The following TACC2 variants were observed in gnomAD, a reference collection of about 807,000 sequenced individuals.
TACC2 encodes transforming acidic coiled-coil-containing protein 2.
Under a neutral mutation model 227.3 loss-of-function variants are expected in TACC2, and 137 were observed. The ratio of observed to expected loss-of-function variants is 0.60; its 90% confidence interval spans 0.52 to 0.69. The LOEUF (loss-of-function observed/expected upper bound fraction) is 0.69. TACC2 is among the 30% of genes least tolerant of loss of function. The pLI is 0.00. For synonymous variants in TACC2, 1,523 were observed against 1,487.5 expected (o/e 1.02, Z -0.55); for missense variants, 3,470 against 3,694.4 (o/e 0.94, Z 1.57).
chr10:122,228,669 AGT>A (rs2141392534), intron 14 of TACC2, among the ~76,000 whole-genome samples: 2 of 152,220 alleles, frequency 1.3e-5, no homozygotes, highest in South Asian at 4.1e-4. Context: ...CCCTTGATTT[AGT>A]GTGTTATTTT....
At chr10:122,228,935 G>A (rs140973147) in intron 14 of TACC2, among the ~76,000 whole-genome samples, 10 of 152,128 alleles carry the variant, frequency 6.6e-5, no homozygotes, top group Admixed American at 6.5e-4. Flanking sequence ...TCATCTTTCC[G>A]TGATTTAGAA....
At chr10:121,998,627 T>C (rs536888064) in intron 1 of TACC2, among the ~76,000 whole-genome samples, 61 of 152,316 alleles carry the variant, frequency 4.0e-4, no homozygotes, top group Non-Finnish European at 7.9e-4. Context: ...GAGTGACTAC[T>C]CTGAATTTGT....
intron 12 of TACC2, among the ~76,000 whole-genome samples, chr10:122,225,999 C>G (rs936041765): frequency 4.6e-5 from 7 of 152,214 alleles, no homozygotes; most frequent in African/African-American, 1.7e-4. Flanking sequence ...CAGCCCAGGT[C>G]TAGGCTCTTG....
intron 3 of TACC2, among the ~76,000 whole-genome samples, chr10:122,080,387 C>A (rs2079333693): frequency 6.6e-6 from 1 of 152,014 alleles, no homozygotes; most frequent in Admixed American, 6.6e-5. Context: ...TGTGCACCAC[C>A]ATGCCCAGTT....
intron 5 of TACC2, among the ~76,000 whole-genome samples, chr10:122,093,943 C>G (rs1188869464): frequency 1.3e-5 from 2 of 152,208 alleles, no homozygotes; most frequent in Non-Finnish European, 2.9e-5. Context: ...TCTGTAGACG[C>G]AGAAACTGGA....
At chr10:122,016,939 C>T (rs1956723402) in intron 1 of TACC2, among the ~76,000 whole-genome samples, 1 of 152,136 alleles carries the variant, frequency 6.6e-6, no homozygotes, top group Non-Finnish European at 1.5e-5. Flanking sequence ...GAGATTAGGA[C>T]ATAGACGGGC....
At chr10:122,008,758 A>T (rs574089323) in intron 1 of TACC2, among the ~76,000 whole-genome samples, 1 of 151,842 alleles carries the variant, frequency 6.6e-6, no homozygotes, top group East Asian at 1.9e-4. Context: ...TTTTTAGTAG[A>T]GATGGGGTTT....
intron 2 of TACC2, among the ~76,000 whole-genome samples, chr10:122,047,882 T>G (rs914279892): frequency 1.3e-5 from 2 of 152,222 alleles, no homozygotes; most frequent in East Asian, 3.8e-4. Flanking sequence ...AATTTTTGCA[T>G]TGTAGTGTTC....
At chr10:122,186,607 G>C (rs1593080886) in intron 7 of TACC2, among the ~76,000 whole-genome samples, 3 of 149,436 alleles carry the variant, frequency 2.0e-5, no homozygotes, top group African/African-American at 7.7e-5. Context: ...TCTGCCTCTG[G>C]GTTTAAGTAA....
chr10:122,062,882 C>T (rs756195940), intron 3 of TACC2, among the ~76,000 whole-genome samples: 9 of 152,210 alleles, frequency 5.9e-5, no homozygotes, highest in Non-Finnish European at 1.2e-4. Context: ...GGGCTACACA[C>T]ATCACCTCAC....
intron 19 of TACC2, among the ~76,000 whole-genome samples, chr10:122,242,567 G>A (rs959506542): frequency 1.3e-5 from 2 of 152,170 alleles, no homozygotes; most frequent in Non-Finnish European, 2.9e-5. Context: ...CTGGCAGCCA[G>A]TACTGAGAAA....
At chr10:122,073,063 A>C (rs1301452107) in intron 3 of TACC2, among the ~76,000 whole-genome samples, 5 of 145,766 alleles carry the variant, frequency 3.4e-5, no homozygotes, top group Non-Finnish European at 7.4e-5. Context: ...CAGTGAGCCA[A>C]GATCACGCCA....
chr10:122,176,608 GCCTTGTAGATAA>G (rs1447443660), intron 7 of TACC2, among the ~76,000 whole-genome samples: 104 of 152,196 alleles, frequency 6.8e-4, no homozygotes, highest in African/African-American at 2.5e-3. Context: ...AGAATGTGTG[GCCTTGTAGATAA>G]CCATGCAGAT....
At chr10:122,060,379 G>T (rs544288860) in intron 3 of TACC2, among the ~76,000 whole-genome samples, 2 of 152,184 alleles carry the variant, frequency 1.3e-5, no homozygotes, top group Non-Finnish European at 1.5e-5. Context: ...TCTCAAGCTC[G>T]TTTTTATTGC....
At chr10:122,044,014 A>T (rs1212820882) in intron 2 of TACC2, among the ~76,000 whole-genome samples, 1 of 152,216 alleles carries the variant, frequency 6.6e-6, no homozygotes, top group African/African-American at 2.4e-5. Context: ...ATCAGTGTCT[A>T]CCCAGAACCT....
chr10:122,096,388 G>A (rs778713638), intron 5 of TACC2, among the ~76,000 whole-genome samples: 1 of 152,276 alleles, frequency 6.6e-6, no homozygotes, highest in African/African-American at 2.4e-5. Context: ...CCCCCCGGTG[G>A]CCACACCTAC....
rs2140275983 is a variant in TACC2, at chr10:122,180,889, A to T, written c.5835-14151A>T. On this transcript the variant is annotated intron_variant, in intron 7 of 22. Transcript: ENST00000369005. This position sits in a 1 kb window ranked among gnomAD's most constrained non-coding sequence, Gnocchi z 4.5. ...TCCTGCCTCAGCTGGGATTACAGGC[A>T]CGCGCCCCCATGTCCACCTAATTTT... 6.6e-6 allele frequency among the ~76,000 whole-genome samples: 1 copy of T among 152,206 alleles called. No homozygotes were observed. The highest frequency in any genetic ancestry group is 1.9e-4 in the East Asian group (1 of 5,158).
At chr10:122,003,041 A>G (rs1380821778) in intron 1 of TACC2, among the ~76,000 whole-genome samples, 1 of 152,112 alleles carries the variant, frequency 6.6e-6, no homozygotes, top group Non-Finnish European at 1.5e-5. Flanking sequence ...CGTCTCTACT[A>G]AAACTACAAA....
At chr10:122,136,694 C>T (rs1312195754) in intron 6 of TACC2, among the ~76,000 whole-genome samples, 2 of 151,924 alleles carry the variant, frequency 1.3e-5, no homozygotes, top group Non-Finnish European at 2.9e-5. Flanking sequence ...GCTGGGATTA[C>T]AGGCGTGCAC....
Sources: allele counts gnomAD v4.1 joint callset (sites outside exome capture counted in the v4.1 genomes callset), GRCh38; gene constraint gnomAD v4.1.1; non-coding constraint Gnocchi (gnomAD v3.1); transcripts MANE v1.5; gene names NCBI Gene and HGNC (gene_info 2026-07-23, HGNC 2026-07-21).